The following SPINK6 variants were observed in gnomAD, a reference collection of about 807,000 sequenced individuals.
The protein encoded by SPINK6 is serine peptidase inhibitor Kazal type 6.
A neutral mutation model predicts 11.7 loss-of-function variants in SPINK6; 13 were observed. That is an observed-to-expected ratio of 1.11 (90% CI 0.72 to 1.76). The LOEUF (loss-of-function observed/expected upper bound fraction) is 1.76. Among genes scored for constraint, SPINK6 ranks in the 40% most tolerant of loss-of-function variants. SPINK6 has a pLI of 0.00. For missense variants in SPINK6, 98 were observed against 93.7 expected (o/e 1.05, Z -0.19); for synonymous variants, 21 against 31.9 (o/e 0.66, Z 1.15).
At chr5:148,209,969 T>TACGTACATATGCATGTATACATACAC (rs1755550954) in intron 2 of SPINK6, among the ~76,000 whole-genome samples, 4 of 126,610 alleles carry the variant, frequency 3.2e-5, no homozygotes, top group African/African-American at 1.2e-4. Flanking sequence ...TATACATACA[T>TACGTACATATGCATGTATACATACAC]ACGTACGTAT....
intron 1 of SPINK6, among the ~76,000 whole-genome samples, chr5:148,204,567 T>G (rs1755473532): frequency 6.6e-6 from 1 of 151,242 alleles, no homozygotes; most frequent in African/African-American, 2.4e-5. Flanking sequence ...CCTGGCACTT[T>G]CATTTTATAG....
At chr5:148,209,495 A>G (rs1755540731) in intron 2 of SPINK6, among the ~76,000 whole-genome samples, 6 of 152,188 alleles carry the variant, frequency 3.9e-5, no homozygotes, top group African/African-American at 1.2e-4. Flanking sequence ...TTCAAATAAG[A>G]TAACTTGTGT....
chr5:148,214,064 CA>C (rs1349146878), intron 3 of SPINK6, 39 bp downstream of exon 3: 5 of 1,268,808 alleles, frequency 3.9e-6, no homozygotes, highest in Non-Finnish European at 5.7e-6. Flanking sequence ...CTTGCAAACA[CA>C]AACTTCCATA....
At chr5:148,210,014 G>GTATACA (rs1554112283) in intron 2 of SPINK6, among the ~76,000 whole-genome samples, 3 of 12,536 alleles carry the variant, frequency 2.4e-4, no homozygotes, top group South Asian at 4.9e-3. Context: ...ATACATGTAT[G>GTATACA]TACGCATGTA....
chr5:148,214,828 G>A (rs917338337), intron 3 of SPINK6, 77 bp from the exon 4 acceptor site: 9 of 1,131,574 alleles, frequency 8.0e-6, no homozygotes, highest in Non-Finnish European at 1.2e-5. Context: ...CCATGCCATT[G>A]TTAAATATGT....
At chr5:148,212,956 C>G (rs140599061) in intron 2 of SPINK6, among the ~76,000 whole-genome samples, 138 of 146,306 alleles carry the variant, frequency 9.4e-4, no homozygotes, top group Non-Finnish European at 1.3e-3. Context: ...TATACATATC[C>G]TATATAGATT....
intron 2 of SPINK6, among the ~76,000 whole-genome samples, chr5:148,210,051 TATG>T (rs1755561996): frequency 9.7e-6 from 1 of 103,316 alleles, no homozygotes; most frequent in African/African-American, 3.0e-5. Flanking sequence ...TGTATGCATA[TATG>T]TATGTATATG....
chr5:148,203,409 T>C (rs1755460195), intron 1 of SPINK6, among the ~76,000 whole-genome samples: 1 of 152,168 alleles, frequency 6.6e-6, no homozygotes, highest in South Asian at 2.1e-4. Context: ...AGACTCATAA[T>C]AAGGTATTTC....
At chr5:148,209,113 G>T (rs1364051998) in intron 2 of SPINK6, among the ~76,000 whole-genome samples, 3 of 152,096 alleles carry the variant, frequency 2.0e-5, no homozygotes, top group Admixed American at 6.5e-5. Flanking sequence ...ACTCTAATGA[G>T]TTTGAAGTTT....
At chr5:148,208,608 A>G (rs1364506348) in intron 2 of SPINK6, among the ~76,000 whole-genome samples, 1 of 152,242 alleles carries the variant, frequency 6.6e-6, no homozygotes, top group African/African-American at 2.4e-5. Context: ...TCATGTTGCC[A>G]GACTTTTGGA....
At chr5:148,204,809 G>A (rs1755476846) in intron 1 of SPINK6, among the ~76,000 whole-genome samples, 1 of 151,952 alleles carries the variant, frequency 6.6e-6, no homozygotes, top group Non-Finnish European at 1.5e-5. Flanking sequence ...TTTTTGCCTT[G>A]CCAATTCCTA....
intron 2 of SPINK6, among the ~76,000 whole-genome samples, chr5:148,210,093 C>T (rs1253777977): frequency 9.2e-6 from 1 of 108,974 alleles, no homozygotes; most frequent in African/African-American, 3.0e-5. Context: ...TGCATGTTTA[C>T]ATGTATGTAT....
intron 2 of SPINK6, among the ~76,000 whole-genome samples, chr5:148,212,299 T>G (rs1319543244): frequency 6.6e-6 from 1 of 150,934 alleles, no homozygotes; most frequent in Non-Finnish European, 1.5e-5. Flanking sequence ...ACTAAATGAT[T>G]GTAGTAAGCA....
intron 2 of SPINK6, among the ~76,000 whole-genome samples, chr5:148,211,086 TG>T (rs1257471754): frequency 2.0e-5 from 3 of 152,202 alleles, no homozygotes; most frequent in Non-Finnish European, 2.9e-5. Flanking sequence ...GTTGACTTAA[TG>T]ACCATATAAG....
At chr5:148,210,874 A>C (rs1755588596) in intron 2 of SPINK6, among the ~76,000 whole-genome samples, 1 of 152,048 alleles carries the variant, frequency 6.6e-6, no homozygotes, top group South Asian at 2.1e-4. Context: ...GGGTGAGGGG[A>C]AGCCAAGCTT....
At chr5:148,207,406 A>C (rs551273943) in intron 2 of SPINK6, among the ~76,000 whole-genome samples, 1 of 152,084 alleles carries the variant, frequency 6.6e-6, no homozygotes, top group African/African-American at 2.4e-5. Flanking sequence ...CATATTTCAC[A>C]TTATCTCATG....
intron 2 of SPINK6, among the ~76,000 whole-genome samples, chr5:148,208,192 A>G (rs1755524842): frequency 6.6e-6 from 1 of 152,164 alleles, no homozygotes. Flanking sequence ...TTTGAATTCA[A>G]TGATCTCTGA....
chr5:148,203,053 C>T lies in SPINK6; in HGVS notation c.-44C>T, dbSNP rs1755453400. On this transcript the variant is annotated 5_prime_UTR_variant, in exon 1 of 4. Coordinates refer to ENST00000325630, the MANE Select transcript of SPINK6 (RefSeq NM_205841.4). ...TGGGAATTGTCTTGACAGAGAACCT[C>T]AGCTGGACAAAGCAGCCTTGATCTG... 6.4e-7 allele frequency: 1 copy of T among 1,552,164 alleles called. No individual in the cohort carries two copies. Among genetic ancestry groups the T allele is most frequent in the Non-Finnish European group, 8.8e-7 (1 of 1,142,296 alleles).
chr5:148,210,018 G>A (rs115501473), intron 2 of SPINK6, among the ~76,000 whole-genome samples: 1,492 of 15,214 alleles, frequency 0.098, 87 homozygotes, highest in Middle Eastern at 0.17. Flanking sequence ...ATGTATGTAC[G>A]CATGTACGCA....
Sources: gnomAD v4.1 joint callset for allele counts (sites outside exome capture counted in the v4.1 genomes callset) on GRCh38, gnomAD v4.1.1 for gene constraint, MANE v1.5 for transcripts, NCBI Gene and HGNC (gene_info 2026-07-23, HGNC 2026-07-21) for gene names.